PARD3B: variants seen among roughly 807,000 people sequenced by gnomAD.
PARD3B encodes par-3 family cell polarity regulator beta.
A neutral mutation model predicts 130.2 loss-of-function variants in PARD3B; 103 were observed. That is an observed-to-expected ratio of 0.79 (90% confidence interval 0.67 to 0.93). The LOEUF (loss-of-function observed/expected upper bound fraction) is 0.93. PARD3B is among the 40% of genes least tolerant of loss of function. PARD3B has a pLI of 0.00. For synonymous variants in PARD3B, 583 were observed against 553.2 expected, an observed-to-expected ratio of 1.05 and a Z score of -0.76; for missense variants, 1,609 against 1,499.2, an observed-to-expected ratio of 1.07 and a Z score of -1.21.
intron 18 of PARD3B, among the ~76,000 whole-genome samples, chr2:205,304,682 T>TGTGG (rs1168055256): frequency 6.7e-6 from 1 of 149,516 alleles, no homozygotes; most frequent in Middle Eastern, 3.3e-3. Context: ...AGGCATGTAA[T>TGTGG]CCCAGCACTT....
At chr2:205,605,464 G>A (rs193249797) in intron 22 of PARD3B, among the ~76,000 whole-genome samples, 1,898 of 152,130 alleles carry the variant, frequency 0.012, 19 homozygotes, top group Non-Finnish European at 0.021. Flanking sequence ...GTGTGTGTGT[G>A]TTTTGTTTTG....
At chr2:204,885,900 A>G (rs2046255151) in intron 2 of PARD3B, among the ~76,000 whole-genome samples, 1 of 152,148 alleles carries the variant, frequency 6.6e-6, no homozygotes, top group Non-Finnish European at 1.5e-5. Context: ...ACACTCCTCC[A>G]ACCGCCTGAG....
In PARD3B at chr2:204,606,809, C is replaced by A. The variant is rs1476346632; in HGVS notation, c.120+60690C>A. On this transcript the variant is annotated intron_variant, in intron 1 of 22. Transcript: ENST00000406610. The surrounding 1 kb of genome is among the most constrained non-coding windows in gnomAD (Gnocchi z 4.0). ...AGACTACTGAGAGTCCTTTATATCTCGTTTGGAGGCTGCTCTGTCCAGGGA... is the reference window on the plus strand; with the variant it reads ...AGACTACTGAGAGTCCTTTATATCTAGTTTGGAGGCTGCTCTGTCCAGGGA... Among the ~76,000 whole-genome samples the A allele has an allele frequency of 6.6e-6, 1 of 152,094 alleles. No homozygotes were observed. Among genetic ancestry groups the A allele is most frequent in the Non-Finnish European group, 1.5e-5 (1 of 68,018 alleles).
chr2:204,700,278 T>C lies in PARD3B; in HGVS notation c.222+13996T>C, dbSNP rs545324649. On this transcript the variant is annotated intron_variant, in intron 2 of 22. Coordinates refer to ENST00000406610, the MANE Select transcript of PARD3B (RefSeq NM_001302769.2). ...TTTTCTTTTATTCAGCTATAGCATC[T>C]GATAGCCTCATGTTACTGAAAGTTA... Among the ~76,000 whole-genome samples, 186 of 152,228 alleles carry C rather than the reference T, an allele frequency of 1.2e-3. 3 individuals are homozygous for C. Among genetic ancestry groups the C allele is most frequent in the African/African-American group, 4.4e-3 (181 of 41,564 alleles).
chr2:205,021,128 A>G lies in PARD3B; in HGVS notation c.395-26453A>G, dbSNP rs539206305. Among the ~76,000 whole-genome samples the G allele has an allele frequency of 2.3e-4, 35 of 152,300 alleles. No homozygotes were observed. Among genetic ancestry groups the G allele is most frequent in the African/African-American group, 7.5e-4 (31 of 41,558 alleles). ...TACTACCTCCAAACCAGAAATTTCTAATACAGCAAATAAAGCAAATTGGAA... is the reference window on the plus strand; with the variant it reads ...TACTACCTCCAAACCAGAAATTTCTGATACAGCAAATAAAGCAAATTGGAA... On this transcript the variant is annotated intron_variant, in intron 3 of 22. Transcript: ENST00000406610. This position sits in a 1 kb window ranked among gnomAD's most constrained non-coding sequence, Gnocchi z 4.5.
intron 2 of PARD3B, among the ~76,000 whole-genome samples, chr2:204,846,792 G>A (rs2044478890): frequency 6.6e-6 from 1 of 151,548 alleles, no homozygotes; most frequent in Non-Finnish European, 1.5e-5. Context: ...CCTTCTTGTT[G>A]AGAAAAAAAT....
At chr2:205,136,440 G>T (rs1251830649) in intron 10 of PARD3B, among the ~76,000 whole-genome samples, 2 of 152,212 alleles carry the variant, frequency 1.3e-5, no homozygotes, top group African/African-American at 2.4e-5. Context: ...AATAGAGAAA[G>T]ATATCAGCTC....
chr2:204,605,834 A>C (rs1020773456), intron 1 of PARD3B, among the ~76,000 whole-genome samples: 1 of 152,170 alleles, frequency 6.6e-6, no homozygotes, highest in Non-Finnish European at 1.5e-5. Context: ...TATTGCTGCT[A>C]ACATTTTATG....
At chr2:205,012,111 A>C (rs1442227833) in intron 3 of PARD3B, among the ~76,000 whole-genome samples, 1 of 152,144 alleles carries the variant, frequency 6.6e-6, no homozygotes, top group Non-Finnish European at 1.5e-5. Flanking sequence ...GTAGGATGTC[A>C]GGTCTCAGCT....
chr2:205,610,277 C>G (rs2055183990), intron 22 of PARD3B, among the ~76,000 whole-genome samples: 1 of 152,112 alleles, frequency 6.6e-6, no homozygotes, highest in Non-Finnish European at 1.5e-5. Context: ...GCCCTCAAGC[C>G]CAGGTACCAC....
At position 205,500,627 on chromosome 2, in the gene PARD3B, C is replaced by T. The variant is rs17269618; in HGVS notation, c.3180+596C>T. Among the ~76,000 whole-genome samples the T allele has an allele frequency of 2.5e-3, 377 of 152,280 alleles. 1 individual carries two copies. Among genetic ancestry groups the T allele is most frequent in the South Asian group, 0.015 (71 of 4,822 alleles). The stretch of plus-strand genomic sequence containing the variant: ...TTTTTTCAGAGTGGCACGATTCACT[C>T]TCTTGTTTTCAAGAAGCAAGTCTGT... On this transcript the variant is annotated intron_variant, in intron 21 of 22. Transcript: ENST00000406610.
At chr2:205,356,908 A>G (rs900173188) in intron 18 of PARD3B, among the ~76,000 whole-genome samples, 1 of 151,390 alleles carries the variant, frequency 6.6e-6, no homozygotes, top group African/African-American at 2.4e-5. Flanking sequence ...AAAAAAAAAT[A>G]GAAGACAAAA....
Position 205,495,376 on chromosome 2 carries a change from C to T in PARD3B, c.3045-4520C>T, listed in dbSNP as rs556394922. ...GTCATTGATCACCTATATAGGGATA[C>T]AGCTGTAATAGAAACTTTTTGTAAG... is the stretch of plus-strand genomic sequence containing the variant. On this transcript the variant is annotated intron_variant, in intron 20 of 22. Coordinates refer to ENST00000406610, the MANE Select transcript of PARD3B (RefSeq NM_001302769.2). Among the ~76,000 whole-genome samples, 3 of 152,230 alleles carry T rather than the reference C, an allele frequency of 2.0e-5. 1 individual carries two copies. In the South Asian group the frequency reaches 6.2e-4, roughly 32 times the overall value.
chr2:205,152,482 T>A (rs1270633857), intron 10 of PARD3B, among the ~76,000 whole-genome samples: 1 of 152,188 alleles, frequency 6.6e-6, no homozygotes, highest in East Asian at 1.9e-4. Context: ...TTCTCTAAAC[T>A]TCTCGCTTCA....
At chr2:205,534,905 T>C (rs1445960681) in intron 21 of PARD3B, among the ~76,000 whole-genome samples, 1 of 152,208 alleles carries the variant, frequency 6.6e-6, no homozygotes, top group Non-Finnish European at 1.5e-5. Flanking sequence ...GGCCTAGCTC[T>C]AGAGAGTGAT....
At chr2:204,953,420 C>CACAGAG (rs1396079084) in intron 2 of PARD3B, among the ~76,000 whole-genome samples, 88 of 123,304 alleles carry the variant, frequency 7.1e-4, no homozygotes, top group Non-Finnish European at 1.2e-3. Context: ...TACACACACA[C>CACAGAG]AGAGAGAGAG....
chr2:204,734,929 T>C (rs773486144), intron 2 of PARD3B, among the ~76,000 whole-genome samples: 28 of 151,964 alleles, frequency 1.8e-4, no homozygotes, highest in Non-Finnish European at 2.6e-4. Flanking sequence ...AATAGGACCA[T>C]AGTGGTATTT....
In PARD3B at chr2:204,802,012, G is replaced by T. The variant is rs2042588367; in HGVS notation, c.222+115730G>T. On this transcript the variant is annotated intron_variant, in intron 2 of 22. Transcript: ENST00000406610. ...GTTTATGTGATGGATTATGTTTATT[G>T]ATTTGCATATGTTGAACAAGCGTTG... Among the ~76,000 whole-genome samples, 2 of 152,178 alleles carry T rather than the reference G, an allele frequency of 1.3e-5. 1 individual carries two copies. Among genetic ancestry groups the T allele is most frequent in the South Asian group, 4.1e-4 (2 of 4,832 alleles).
intron 2 of PARD3B, among the ~76,000 whole-genome samples, chr2:204,806,225 C>T (rs544482934): frequency 6.6e-6 from 1 of 152,088 alleles, no homozygotes; most frequent in African/African-American, 2.4e-5. Flanking sequence ...AATCATACTA[C>T]CTGACTTCAA....
Sources: gnomAD v4.1 joint callset for allele counts (sites outside exome capture counted in the v4.1 genomes callset) on GRCh38, gnomAD v4.1.1 for gene constraint, Gnocchi (gnomAD v3.1) non-coding constraint, MANE v1.5 for transcripts, NCBI Gene and HGNC (gene_info 2026-07-23, HGNC 2026-07-21) for gene names.